RNLS: variants seen among roughly 807,000 people sequenced by gnomAD.
The protein encoded by RNLS is renalase, FAD dependent amine oxidase, also known as renalase.
RNLS carries 39 observed loss-of-function variants against 39.8 expected under a neutral mutation model. The ratio of observed to expected loss-of-function variants is 0.98; its 90% confidence interval spans 0.76 to 1.28. RNLS has a LOEUF of 1.28. Ranked by LOEUF, RNLS falls within the 50% of genes most tolerant of loss-of-function variation. The probability of loss-of-function intolerance (pLI) is 0.00; values close to 1 mark genes in which losing one functional copy is unlikely to be tolerated. For synonymous variants in RNLS, 147 were observed against 150.7 expected (o/e 0.98, Z 0.18); for missense variants, 410 against 413.3 (o/e 0.99, Z 0.07).
At chr10:88,488,715 G>C (rs1176798980) in intron 4 of RNLS, among the ~76,000 whole-genome samples, 1 of 152,072 alleles carries the variant, frequency 6.6e-6, no homozygotes, top group East Asian at 1.9e-4. Flanking sequence ...GAGCAAAAGT[G>C]CCAGAAGCCA....
At chr10:88,279,199 T>G (rs1842921774), downstream of RNLS, among the ~76,000 whole-genome samples, 1 of 152,176 alleles carries the variant, frequency 6.6e-6, no homozygotes, top group Non-Finnish European at 1.5e-5. Flanking sequence ...AGGTGGCACT[T>G]AAATACAGTC....
chr10:88,439,103 T>C (rs1469547696), intron 4 of RNLS, among the ~76,000 whole-genome samples: 1 of 152,170 alleles, frequency 6.6e-6, no homozygotes, highest in East Asian at 1.9e-4. Flanking sequence ...CTCGTTTTGT[T>C]TATTTCCCCT....
chr10:88,343,914 A>C, intron 5 of RNLS: 1 of 668,650 alleles, frequency 1.5e-6, no homozygotes, highest in South Asian at 6.7e-5. Flanking sequence ...CTCTCACTGG[A>C]GTTCTCCTTC....
intron 4 of RNLS, among the ~76,000 whole-genome samples, chr10:88,442,933 C>A (rs1300618594): frequency 6.6e-6 from 1 of 152,168 alleles, no homozygotes; most frequent in Non-Finnish European, 1.5e-5. Flanking sequence ...TTAATACAGC[C>A]AGATCTGAAC....
intron 4 of RNLS, among the ~76,000 whole-genome samples, chr10:88,533,760 G>C (rs1171647115): frequency 6.6e-6 from 1 of 152,066 alleles, no homozygotes; most frequent in African/African-American, 2.4e-5. Context: ...CATGAAGAGA[G>C]AAACAGGTTT....
chr10:88,548,661 T>A (rs1468700413), intron 4 of RNLS, among the ~76,000 whole-genome samples: 2 of 147,316 alleles, frequency 1.4e-5, no homozygotes, highest in Admixed American at 6.8e-5. Context: ...TATATATATA[T>A]AATATTTAAT....
At chr10:88,387,141 C>T (rs957394676) in intron 4 of RNLS, among the ~76,000 whole-genome samples, 2 of 152,136 alleles carry the variant, frequency 1.3e-5, no homozygotes, top group Non-Finnish European at 2.9e-5. Flanking sequence ...TCAAACCTTG[C>T]TTATCCATAA....
intron 5 of RNLS, among the ~76,000 whole-genome samples, chr10:88,339,645 G>A (rs1005166900): frequency 2.6e-5 from 4 of 152,218 alleles, no homozygotes; most frequent in African/African-American, 9.6e-5. Flanking sequence ...CCAGGGACAA[G>A]CTGAATTAAG....
At chr10:88,474,559 ATAC>A (rs1280582821) in intron 4 of RNLS, among the ~76,000 whole-genome samples, 4 of 152,176 alleles carry the variant, frequency 2.6e-5, no homozygotes, top group African/African-American at 9.7e-5. Flanking sequence ...GATTATAATA[ATAC>A]CTCTTCAAGT....
chr10:88,198,590 T>A, the RNLS span, among the ~76,000 whole-genome samples: 1 of 152,208 alleles, frequency 6.6e-6, no homozygotes, highest in Admixed American at 6.5e-5. Context: ...GGTGATTGGA[T>A]CATGGTGATT....
chr10:88,367,233 C>T (rs1455930966), intron 4 of RNLS, among the ~76,000 whole-genome samples: 3 of 152,040 alleles, frequency 2.0e-5, no homozygotes, highest in African/African-American at 4.8e-5. Context: ...CTTTTCCAGG[C>T]ACTCTCTTCC....
At position 88,455,203 on chromosome 10, in the gene RNLS, G is replaced by C. The variant is rs138142197; in HGVS notation, c.527-92478C>G. On this transcript the variant is annotated intron_variant, in intron 4 of 6. Transcript: ENST00000331772. The stretch of plus-strand genomic sequence containing the variant: ...TTAGGAAGAAGGTATAACCAGGATG[G>C]CTACAGGTGTGGATGTATCTCTTGC... Among the ~76,000 whole-genome samples, 628 of 152,190 alleles carry C rather than the reference G, an allele frequency of 4.1e-3. 2 individuals are homozygous for C. The highest frequency in any genetic ancestry group is 6.6e-3 in the Non-Finnish European group (447 of 68,018).
intron 6 of RNLS, among the ~76,000 whole-genome samples, chr10:88,312,842 T>C (rs1441846136): frequency 6.6e-6 from 1 of 152,132 alleles, no homozygotes; most frequent in Admixed American, 6.6e-5. Flanking sequence ...ATTTCCAATA[T>C]GCCCCCTACC....
the RNLS span, among the ~76,000 whole-genome samples, chr10:88,201,654 C>A: frequency 6.6e-6 from 1 of 151,114 alleles, no homozygotes; most frequent in Non-Finnish European, 1.5e-5. Flanking sequence ...AATCCCCTCG[C>A]TGAACCCTTC....
chr10:88,400,431 C>T (rs1237974318), intron 4 of RNLS, among the ~76,000 whole-genome samples: 1 of 151,970 alleles, frequency 6.6e-6, no homozygotes, highest in African/African-American at 2.4e-5. Context: ...ACTGTTCACT[C>T]CACTGAATAT....
chr10:88,413,090 T>A (rs1853795135), intron 4 of RNLS, among the ~76,000 whole-genome samples: 1 of 152,174 alleles, frequency 6.6e-6, no homozygotes, highest in Non-Finnish European at 1.5e-5. Context: ...AGATTAACTG[T>A]CTGAGGTCAT....
the RNLS span, among the ~76,000 whole-genome samples, chr10:88,227,979 G>A: frequency 6.6e-5 from 10 of 152,224 alleles, no homozygotes; most frequent in South Asian, 1.0e-3. Context: ...TAAAACTGCC[G>A]GGTATTCATC....
intron 4 of RNLS, among the ~76,000 whole-genome samples, chr10:88,562,784 T>C (rs141625997): frequency 6.6e-6 from 1 of 152,162 alleles, no homozygotes; most frequent in Non-Finnish European, 1.5e-5. Context: ...AAATAAATAG[T>C]AGATACCAAC....
chr10:88,471,871 A>C (rs1255453797), intron 4 of RNLS, among the ~76,000 whole-genome samples: 1 of 152,012 alleles, frequency 6.6e-6, no homozygotes, highest in Non-Finnish European at 1.5e-5. Context: ...TGGTGTCCAG[A>C]GTTGTTATTG....
Sources: gnomAD v4.1 joint callset for allele counts (sites outside exome capture counted in the v4.1 genomes callset) on GRCh38, gnomAD v4.1.1 for gene constraint, MANE v1.5 for transcripts, NCBI Gene and HGNC (gene_info 2026-07-23, HGNC 2026-07-21) for gene names.